NTNG1: variants seen among roughly 807,000 people sequenced by gnomAD.
NTNG1 encodes the protein netrin-G1.
In NTNG1, 16 loss-of-function variants were observed where a neutral mutation model predicts 54.0. That is an observed-to-expected ratio of 0.30 (90% CI 0.20 to 0.45). The LOEUF (loss-of-function observed/expected upper bound fraction) is 0.45. Among genes scored for constraint, NTNG1 ranks in the 20% least tolerant of loss-of-function variants. NTNG1 has a pLI of 1.00. For synonymous variants in NTNG1, 255 were observed against 263.1 expected (o/e 0.97, Z 0.30); for missense variants, 530 against 678.7 (o/e 0.78, Z 2.43).
At position 107,459,558 on chromosome 1, in the gene NTNG1, A is replaced by G. The variant is rs559198722; in HGVS notation, c.1391-21053A>G. ...GAAAAAAAAATGTATTTTCAATTCAATTTGAGCTTATTTCTATTCATTCAA... is the reference window on the plus strand; with the variant it reads ...GAAAAAAAAATGTATTTTCAATTCAGTTTGAGCTTATTTCTATTCATTCAA... On this transcript the variant is annotated intron_variant, in intron 7 of 7. Transcript: ENST00000370068. Among the ~76,000 whole-genome samples, 9 of 152,320 alleles carry G rather than the reference A, an allele frequency of 5.9e-5. No homozygotes were observed. In the South Asian group the frequency reaches 1.7e-3, roughly 28 times the overall value.
intron 2 of NTNG1, among the ~76,000 whole-genome samples, chr1:107,208,593 A>C (rs938352186): frequency 2.0e-5 from 3 of 152,078 alleles, no homozygotes; most frequent in African/African-American, 7.2e-5. Flanking sequence ...TTCGTTTTCC[A>C]TCTGTTGTCC....
intron 2 of NTNG1, among the ~76,000 whole-genome samples, chr1:107,267,485 G>T (rs1006335376): frequency 3.9e-5 from 6 of 152,194 alleles, no homozygotes; most frequent in African/African-American, 1.2e-4. Context: ...ACTGTAGCTT[G>T]TCCCGTACCC....
intron 4 of NTNG1, among the ~76,000 whole-genome samples, chr1:107,397,599 C>T (rs1672759912): frequency 1.3e-5 from 2 of 152,126 alleles, no homozygotes; most frequent in South Asian, 2.1e-4. Context: ...TAAGCTAACG[C>T]ATGTCATATG....
intron 3 of NTNG1, among the ~76,000 whole-genome samples, chr1:107,379,327 T>C (rs1484481829): frequency 6.6e-6 from 1 of 152,228 alleles, no homozygotes; most frequent in Non-Finnish European, 1.5e-5. Context: ...TAAAGACCTA[T>C]AAGACTTCCA....
intron 3 of NTNG1, among the ~76,000 whole-genome samples, chr1:107,329,350 T>A (rs570773393): frequency 6.6e-6 from 1 of 152,300 alleles, no homozygotes; most frequent in South Asian, 2.1e-4. Flanking sequence ...GTCCAGCTTC[T>A]ATGTGTAAAC....
At chr1:107,300,851 A>T (rs1398709697) in intron 2 of NTNG1, among the ~76,000 whole-genome samples, 2 of 152,226 alleles carry the variant, frequency 1.3e-5, no homozygotes, top group African/African-American at 4.8e-5. Flanking sequence ...TGTTAATAAT[A>T]TTCACGAGAA....
intron 7 of NTNG1, among the ~76,000 whole-genome samples, chr1:107,439,503 A>G (rs1156236421): frequency 6.6e-6 from 1 of 152,154 alleles, no homozygotes; most frequent in African/African-American, 2.4e-5. Flanking sequence ...TTTTAAAAAG[A>G]TTATTCTAGC....
chr1:107,148,536 C>G lies in NTNG1; in HGVS notation c.-58C>G. 6.5e-7 allele frequency: 1 copy of G among 1,536,352 alleles called. No individual in the cohort carries two copies. The highest frequency in any genetic ancestry group is 9.0e-7 in the Non-Finnish European group (1 of 1,114,372). On this transcript the variant is annotated 5_prime_UTR_variant, in exon 2 of 8. It adds an upstream start codon to the 5' untranslated region. Coordinates refer to ENST00000370068, the MANE Select transcript of NTNG1 (RefSeq NM_001113226.3). ...ATATATATGTAAACTAGACAAAGAT[C>G]GCAGATCATAAAGCAAGCTCTGCTT...
At chr1:107,310,019 T>C (rs1441625898) in intron 2 of NTNG1, among the ~76,000 whole-genome samples, 1 of 152,162 alleles carries the variant, frequency 6.6e-6, no homozygotes, top group Non-Finnish European at 1.5e-5. Context: ...TAGGGAACCA[T>C]GAAAATTAAA....
At chr1:107,456,788 C>A (rs1048572590) in intron 7 of NTNG1, among the ~76,000 whole-genome samples, 4 of 152,200 alleles carry the variant, frequency 2.6e-5, no homozygotes, top group African/African-American at 9.6e-5. Context: ...TGATGCAAGA[C>A]CTCAGTCCCC....
chr1:107,307,177 C>T (rs558804847), intron 2 of NTNG1, among the ~76,000 whole-genome samples: 1 of 152,312 alleles, frequency 6.6e-6, no homozygotes, highest in South Asian at 2.1e-4. Context: ...GGACCTTTTA[C>T]AGTTACACCA....
At chr1:107,458,065 T>G (rs1303937018) in intron 7 of NTNG1, among the ~76,000 whole-genome samples, 1 of 152,164 alleles carries the variant, frequency 6.6e-6, no homozygotes, top group East Asian at 1.9e-4. Flanking sequence ...AATTCCAACA[T>G]GTTCGCATCT....
intron 2 of NTNG1, among the ~76,000 whole-genome samples, chr1:107,160,328 A>G (rs1299250101): frequency 1.3e-5 from 2 of 152,110 alleles, no homozygotes; most frequent in African/African-American, 2.4e-5. Flanking sequence ...CACAACATAT[A>G]TTAGCAAGTG....
At chr1:107,198,848 G>A (rs548027411) in intron 2 of NTNG1, among the ~76,000 whole-genome samples, 70 of 151,944 alleles carry the variant, frequency 4.6e-4, no homozygotes, top group African/African-American at 1.7e-3. Flanking sequence ...CTTGGCTCAT[G>A]GAGTGTTTAG....
At chr1:107,460,525 T>C (rs895889969) in intron 7 of NTNG1, 4 of 448,488 alleles carry the variant, frequency 8.9e-6, no homozygotes, top group Non-Finnish European at 1.8e-5. Context: ...TATTGACTTC[T>C]TACGAATATT....
At chr1:107,460,382 C>G (rs1378132192) in intron 7 of NTNG1, 1 of 518,818 alleles carries the variant, frequency 1.9e-6, no homozygotes, top group South Asian at 1.4e-5. Flanking sequence ...CTTCTGAGCC[C>G]TCACAGATAA....
chr1:107,445,736 A>AG (rs1030190024), intron 7 of NTNG1, among the ~76,000 whole-genome samples: 1 of 152,120 alleles, frequency 6.6e-6, no homozygotes, highest in African/African-American at 2.4e-5. Context: ...CAACAATTTT[A>AG]GGCTCTGTAG....
intron 5 of NTNG1, among the ~76,000 whole-genome samples, chr1:107,415,454 C>A (rs949652681): frequency 6.6e-6 from 1 of 152,124 alleles, no homozygotes; most frequent in Non-Finnish European, 1.5e-5. Flanking sequence ...AAATTGTCAG[C>A]TGAGAGAAAC....
At chr1:107,405,407 C>G (rs1240515124) in intron 4 of NTNG1, among the ~76,000 whole-genome samples, 1 of 152,056 alleles carries the variant, frequency 6.6e-6, no homozygotes, top group East Asian at 1.9e-4. Context: ...GAGGAACAGC[C>G]TGAATTTTAA....
Sources: allele counts gnomAD v4.1 joint callset (sites outside exome capture counted in the v4.1 genomes callset), GRCh38; gene constraint gnomAD v4.1.1; transcripts MANE v1.5; gene names NCBI Gene and HGNC (gene_info 2026-07-23, HGNC 2026-07-21).